The following PRSS23 variants were observed in gnomAD, a reference collection of about 807,000 sequenced individuals.
PRSS23 encodes the protein protease, serine 23.
In PRSS23, 25 loss-of-function variants were observed where a neutral mutation model predicts 34.7. The observed-to-expected ratio is 0.72, with a 90% confidence interval of 0.53 to 1.01. PRSS23 has a LOEUF of 1.01. Among genes scored for constraint, PRSS23 ranks in the 50% least tolerant of loss-of-function variants. The probability of loss-of-function intolerance (pLI) is 0.00; values close to 1 mark genes in which losing one functional copy is unlikely to be tolerated. For missense variants in PRSS23, 445 were observed against 475.6 expected (o/e 0.94, Z 0.60); for synonymous variants, 176 against 186.6 (o/e 0.94, Z 0.46).
At chr11:86,878,759 A>G (rs376904939) in intron 2 of PRSS23, among the ~76,000 whole-genome samples, 9 of 148,658 alleles carry the variant, frequency 6.1e-5, no homozygotes, top group South Asian at 2.2e-4. Flanking sequence ...CTGCCTGGCT[A>G]CCCAGTCTGG....
At chr11:86,791,816 C>G (rs1302172973) in intron 1 of PRSS23, among the ~76,000 whole-genome samples, 1 of 152,216 alleles carries the variant, frequency 6.6e-6, no homozygotes, top group East Asian at 1.9e-4. Context: ...CATGGTCCTA[C>G]TGCTCAGAGG....
intron 2 of PRSS23, among the ~76,000 whole-genome samples, chr11:86,900,701 C>T (rs933053908): frequency 6.6e-6 from 1 of 152,008 alleles, no homozygotes. Flanking sequence ...ATATGCTGCT[C>T]CCTCTCCCTG....
chr11:86,899,518 C>CT (rs34686726), intron 2 of PRSS23, among the ~76,000 whole-genome samples: 125 of 144,070 alleles, frequency 8.7e-4, no homozygotes, highest in Middle Eastern at 7.3e-3. Flanking sequence ...GACCCCGTTT[C>CT]TTTTTTTTTT....
chr11:86,927,249 G>T (rs1408866272), intron 2 of PRSS23, among the ~76,000 whole-genome samples: 1 of 152,160 alleles, frequency 6.6e-6, no homozygotes, highest in Non-Finnish European at 1.5e-5. Flanking sequence ...GGCAGGCGTT[G>T]TCATCTCCTG....
chr11:86,838,536 G>A (rs1162854964), intron 2 of PRSS23, among the ~76,000 whole-genome samples: 2 of 152,174 alleles, frequency 1.3e-5, no homozygotes, highest in Non-Finnish European at 2.9e-5. Context: ...TTCACTTCTG[G>A]GGGCAGGGCA....
intron 2 of PRSS23, chr11:86,951,130 G>A (rs1949286665): frequency 6.2e-7 from 1 of 1,613,354 alleles, no homozygotes; most frequent in Non-Finnish European, 8.5e-7. Flanking sequence ...AAAGCATGGA[G>A]GCTGACTAGC....
At chr11:86,801,678 TG>T (rs1948040357) in intron 1 of PRSS23, among the ~76,000 whole-genome samples, 1 of 152,208 alleles carries the variant, frequency 6.6e-6, no homozygotes, top group South Asian at 2.1e-4. Flanking sequence ...GGATATTTAT[TG>T]CATGTTGTTT....
At chr11:86,943,422 C>T (rs1949219030) in intron 2 of PRSS23, among the ~76,000 whole-genome samples, 1 of 152,004 alleles carries the variant, frequency 6.6e-6, no homozygotes. Context: ...GTCAGGAGTT[C>T]AAGACCAGCC....
intron 2 of PRSS23, among the ~76,000 whole-genome samples, chr11:86,880,309 G>C (rs574176438): frequency 6.7e-6 from 1 of 150,184 alleles, no homozygotes; most frequent in Non-Finnish European, 1.5e-5. Context: ...CAAACACTGC[G>C]GAAGGCCGCA....
At chr11:86,930,574 A>G (rs868278718) in intron 2 of PRSS23, among the ~76,000 whole-genome samples, 31 of 152,134 alleles carry the variant, frequency 2.0e-4, no homozygotes, top group African/African-American at 7.2e-4. Context: ...GGCGGATCAC[A>G]AGGTCAGGAG....
chr11:86,939,401 A>T (rs866410819), intron 2 of PRSS23, among the ~76,000 whole-genome samples: 1,106 of 56,806 alleles, frequency 0.019, 20 homozygotes, highest in African/African-American at 0.045. Context: ...GTTAAAAAAA[A>T]AAATATATAT....
chr11:86,825,216 T>G (rs1290272640), intron 2 of PRSS23, among the ~76,000 whole-genome samples: 4 of 151,964 alleles, frequency 2.6e-5, no homozygotes, highest in Non-Finnish European at 5.9e-5. Flanking sequence ...TGATTTGCAT[T>G]TCTCTGATGG....
Position 86,875,020 on chromosome 11 carries a change from G to A in PRSS23, c.206+51427G>A, listed in dbSNP as rs140627172. 4.2e-3 allele frequency among the ~76,000 whole-genome samples: 641 copies of A among 152,268 alleles called. 3 individuals carry two copies. The highest frequency in any genetic ancestry group is 6.8e-3 in the Non-Finnish European group (461 of 68,022). ...GTTGGATTTTTTCCTTAGAGGCTTA[G>A]GACCCCAAGCATGATTGTTTCAGTA... is the stretch of plus-strand genomic sequence containing the variant. On this transcript the variant is annotated intron_variant, in intron 2 of 2. Transcript: ENST00000533902.
chr11:86,847,473 T>G (rs1033715935), intron 2 of PRSS23, among the ~76,000 whole-genome samples: 1 of 152,258 alleles, frequency 6.6e-6, no homozygotes, highest in South Asian at 2.1e-4. Context: ...ATCTGGTAGA[T>G]GGAGAGCTCA....
chr11:86,845,207 G>T (rs1219040683), intron 2 of PRSS23, among the ~76,000 whole-genome samples: 2 of 151,974 alleles, frequency 1.3e-5, no homozygotes, highest in Non-Finnish European at 2.9e-5. Flanking sequence ...GCTATCTCCT[G>T]TGTGCCACGC....
At chr11:86,941,105 A>G (rs1949204483) in intron 2 of PRSS23, 1 of 152,156 alleles carries the variant, frequency 6.6e-6, no homozygotes, top group African/African-American at 2.4e-5. Context: ...TAAATGAGTT[A>G]TGGTCTTTGG....
At chr11:86,921,967 G>A (rs1949049962) in intron 2 of PRSS23, 1 of 152,158 alleles carries the variant, frequency 6.6e-6, no homozygotes, top group South Asian at 2.1e-4. Flanking sequence ...TTAAACTTGA[G>A]GCTGACATCC....
intron 2 of PRSS23, among the ~76,000 whole-genome samples, chr11:86,945,267 C>A (rs1949233270): frequency 6.8e-6 from 1 of 147,500 alleles, no homozygotes. Context: ...TTTAAGAGGC[C>A]AAAAGTTCTA....
At chr11:86,906,263 G>A (rs1337171781) in intron 2 of PRSS23, among the ~76,000 whole-genome samples, 1 of 152,246 alleles carries the variant, frequency 6.6e-6, no homozygotes, top group Non-Finnish European at 1.5e-5. Flanking sequence ...CCACCCTTGT[G>A]CCCAGGAAAC....
Sources: gnomAD v4.1 joint callset for allele counts (sites outside exome capture counted in the v4.1 genomes callset) on GRCh38, gnomAD v4.1.1 for gene constraint, MANE v1.5 for transcripts, NCBI Gene and HGNC (gene_info 2026-07-23, HGNC 2026-07-21) for gene names.